The following TAB2 variants were observed in gnomAD, a reference collection of about 807,000 sequenced individuals.
TAB2 encodes the protein TGF-beta-activated kinase 1 and MAP3K7-binding protein 2.
TAB2 carries 3 observed loss-of-function variants against 65.0 expected under a neutral mutation model. The ratio of observed to expected loss-of-function variants is 0.05; its 90% CI spans 0.02 to 0.12. The LOEUF is 0.12. Ranked by LOEUF, TAB2 falls within the 10% of genes least tolerant of loss-of-function variation. TAB2 has a pLI of 1.00. For synonymous variants in TAB2, 298 were observed against 285.1 expected (o/e 1.05, Z -0.46); for missense variants, 623 against 840.3 (o/e 0.74, Z 3.20).
intron 1 of TAB2, among the ~76,000 whole-genome samples, chr6:149,350,347 G>A (rs1245133490): frequency 6.6e-6 from 1 of 152,112 alleles, no homozygotes. Flanking sequence ...TGGGCAACAA[G>A]GCATTTTTCA....
chr6:149,287,266 G>A (rs1778692685), intron 1 of TAB2, among the ~76,000 whole-genome samples: 2 of 152,182 alleles, frequency 1.3e-5, no homozygotes, highest in East Asian at 1.9e-4. Flanking sequence ...TTGTTTGCTT[G>A]TTTATGTTTT....
At chr6:149,330,291 T>C (rs1345101096) in intron 1 of TAB2, among the ~76,000 whole-genome samples, 2 of 152,186 alleles carry the variant, frequency 1.3e-5, no homozygotes, top group East Asian at 1.9e-4. Flanking sequence ...GAAAATACGT[T>C]TTCATCTCTG....
At chr6:149,376,831 T>C (rs901117854) in intron 2 of TAB2, among the ~76,000 whole-genome samples, 1 of 152,170 alleles carries the variant, frequency 6.6e-6, no homozygotes, top group African/African-American at 2.4e-5. Flanking sequence ...GTGGATGATT[T>C]ATGACTACTG....
At chr6:149,317,471 C>T, upstream of TAB2, 3 of 167,210 alleles carry the variant, frequency 1.8e-5, no homozygotes, top group South Asian at 3.8e-4. This position sits in a 1 kb window ranked among gnomAD's most constrained non-coding sequence, Gnocchi z 4.7. Context: ...TAGGGGAGGC[C>T]TCGTCACAGC....
intron 1 of TAB2, among the ~76,000 whole-genome samples, chr6:149,233,953 C>T (rs781256436): frequency 3.3e-5 from 5 of 152,134 alleles, no homozygotes; most frequent in South Asian, 2.1e-4. Context: ...TTGTGTAATT[C>T]GCTTATGAAA....
chr6:149,326,288 AAAGAC>A (rs1235163316), intron 1 of TAB2, among the ~76,000 whole-genome samples: 5 of 151,452 alleles, frequency 3.3e-5, no homozygotes, highest in African/African-American at 9.7e-5. Context: ...AAAAAAAAAA[AAAGAC>A]AGTTTAAAAA....
chr6:149,378,088 G>A lies in TAB2; in HGVS notation c.173G>A (p.Gly58Glu). ...AGTACAAGATATCTTTATGGTGAAG[G>A]AGACTTGAATTTTTCAGATGATTCT... is the stretch of plus-strand genomic sequence containing the variant. ...QESTRYLYGE[G>E]DLNFSDDSGI... The change falls in exon 3 of 7, where the codon GGA becomes GAA. Residue 58 changes from glycine (G) to glutamate (E), a missense_variant. Coordinates refer to ENST00000637181, the MANE Select transcript of TAB2 (RefSeq NM_001292034.3). The A allele has an allele frequency of 6.2e-7, 1 of 1,614,088 alleles. No individual in the cohort carries two copies. Among genetic ancestry groups the A allele is most frequent in the Non-Finnish European group, 8.5e-7 (1 of 1,179,982 alleles).
intron 1 of TAB2, among the ~76,000 whole-genome samples, chr6:149,298,552 C>T (rs1007529373): frequency 2.0e-5 from 3 of 151,978 alleles, no homozygotes; most frequent in South Asian, 2.1e-4. Context: ...TGCTTGATCC[C>T]GGGAGGTCAA....
chr6:149,281,770 T>C (rs1012473586), intron 1 of TAB2, among the ~76,000 whole-genome samples: 3 of 151,048 alleles, frequency 2.0e-5, no homozygotes, highest in African/African-American at 4.9e-5. Context: ...TGGTGATTAA[T>C]AAAAAAGAAG....
intron 1 of TAB2, chr6:149,221,145 C>G (rs963031260): frequency 6.6e-6 from 1 of 152,198 alleles, no homozygotes; most frequent in Non-Finnish European, 1.5e-5. Flanking sequence ...CACAACTCAA[C>G]AACCACACAG....
intron 1 of TAB2, among the ~76,000 whole-genome samples, chr6:149,297,938 T>A (rs1340195347): frequency 6.6e-6 from 1 of 152,226 alleles, no homozygotes; most frequent in African/African-American, 2.4e-5. Flanking sequence ...ATACTGCAGG[T>A]TCCCTATTTG....
At chr6:149,245,774 G>A (rs970853932) in intron 1 of TAB2, among the ~76,000 whole-genome samples, 2 of 152,110 alleles carry the variant, frequency 1.3e-5, no homozygotes, top group South Asian at 2.1e-4. Flanking sequence ...ACTGAGAATC[G>A]TACAGTAATC....
intron 1 of TAB2, among the ~76,000 whole-genome samples, chr6:149,281,498 G>T (rs1778572122): frequency 7.9e-6 from 1 of 127,076 alleles, no homozygotes; most frequent in Non-Finnish European, 1.6e-5. Context: ...GAGGCAGGAG[G>T]ATCACTTGAA....
chr6:149,387,718 A>G (rs558404685), intron 3 of TAB2, among the ~76,000 whole-genome samples: 1 of 152,328 alleles, frequency 6.6e-6, no homozygotes, highest in East Asian at 1.9e-4. Context: ...AAACAGAACT[A>G]AAGGGTATAT....
chr6:149,283,674 T>C (rs562122132), intron 1 of TAB2, among the ~76,000 whole-genome samples: 6 of 152,084 alleles, frequency 3.9e-5, no homozygotes, highest in South Asian at 4.1e-4. Flanking sequence ...CACTCCATTG[T>C]ACTCCAGCCC....
In TAB2 at chr6:149,364,792, G is replaced by A. The variant is rs530879336; in HGVS notation, c.-89-5117G>A. Among the ~76,000 whole-genome samples the A allele has an allele frequency of 4.6e-5, 7 of 150,728 alleles. No homozygotes were observed. In the South Asian group the frequency reaches 1.3e-3, roughly 27 times the overall value. The stretch of plus-strand genomic sequence containing the variant: ...CTGTTTGTTTTTTTAATCTGGAGAC[G>A]TGGTCTCGTGTTAAACAGTTAGCTT... On this transcript the variant is annotated intron_variant, in intron 1 of 6. Coordinates refer to ENST00000637181, the MANE Select transcript of TAB2 (RefSeq NM_001292034.3).
chr6:149,301,154 G>A (rs1778968083), intron 1 of TAB2, among the ~76,000 whole-genome samples: 1 of 152,172 alleles, frequency 6.6e-6, no homozygotes, highest in Non-Finnish European at 1.5e-5. Flanking sequence ...TTGGCAGGGT[G>A]GTCAGCAACC....
At chr6:149,406,845 A>C (rs888088660) in intron 6 of TAB2, among the ~76,000 whole-genome samples, 1 of 152,046 alleles carries the variant, frequency 6.6e-6, no homozygotes, top group Non-Finnish European at 1.5e-5. Context: ...CAGCTTCCCA[A>C]GTAGATGGAT....
At chr6:149,405,387 G>A (rs1306811636) in intron 6 of TAB2, among the ~76,000 whole-genome samples, 6 of 152,162 alleles carry the variant, frequency 3.9e-5, no homozygotes, top group African/African-American at 7.2e-5. Context: ...GTATGATCTC[G>A]CAATCGCACT....
Sources: gnomAD v4.1 joint callset for allele counts (sites outside exome capture counted in the v4.1 genomes callset) on GRCh38, gnomAD v4.1.1 for gene constraint, Gnocchi (gnomAD v3.1) non-coding constraint, MANE v1.5 for transcripts, NCBI Gene and HGNC (gene_info 2026-07-23, HGNC 2026-07-21) for gene names.